The following BNC2 variants were observed in gnomAD, a reference collection of about 807,000 sequenced individuals.
BNC2 encodes the protein basonuclin zinc finger protein 2.
In BNC2, 20 loss-of-function variants were observed where a neutral mutation model predicts 76.3. That is an observed-to-expected ratio of 0.26 (90% CI 0.18 to 0.38). The LOEUF (loss-of-function observed/expected upper bound fraction) is 0.38, where lower values mean the gene tolerates loss of function less well. BNC2 is among the 10% of genes least tolerant of loss of function. BNC2 has a pLI of 1.00. For synonymous variants in BNC2, 582 were observed against 514.8 expected, an observed-to-expected ratio of 1.13 and a Z score of -1.77; for missense variants, 1,382 against 1,399.8, an observed-to-expected ratio of 0.99 and a Z score of 0.20.
intron 1 of BNC2, among the ~76,000 whole-genome samples, chr9:16,754,683 G>A (rs1425725071): frequency 1.3e-5 from 2 of 151,968 alleles, no homozygotes; most frequent in African/African-American, 4.8e-5. Context: ...TCAGCCTCCT[G>A]AGTAGCTGGG....
chr9:16,665,944 C>T (rs1822276738), intron 3 of BNC2, among the ~76,000 whole-genome samples: 3 of 152,110 alleles, frequency 2.0e-5, no homozygotes, highest in Admixed American at 2.0e-4. Context: ...GCAATAAGGA[C>T]TTCCAGGATT....
At chr9:16,426,796 A>G (rs1408570094) in intron 6 of BNC2, among the ~76,000 whole-genome samples, 2 of 152,208 alleles carry the variant, frequency 1.3e-5, no homozygotes, top group African/African-American at 4.8e-5. Flanking sequence ...TTGCACAGGC[A>G]GAGTCTGAAA....
At chr9:16,857,219 TG>T (rs1819280724) in intron 1 of BNC2, among the ~76,000 whole-genome samples, 1 of 152,086 alleles carries the variant, frequency 6.6e-6, no homozygotes, top group Non-Finnish European at 1.5e-5. Context: ...GGCTCACGCA[TG>T]TAATCCCAGC....
intron 5 of BNC2, among the ~76,000 whole-genome samples, chr9:16,547,302 T>G (rs1196267187): frequency 6.6e-6 from 1 of 152,220 alleles, no homozygotes; most frequent in Non-Finnish European, 1.5e-5. Context: ...CTTATTGCCC[T>G]CAACAGCCCA....
intron 3 of BNC2, among the ~76,000 whole-genome samples, chr9:16,590,269 T>G (rs1415140639): frequency 1.3e-5 from 2 of 152,114 alleles, no homozygotes; most frequent in Admixed American, 1.3e-4. Context: ...CTTGGCTCGC[T>G]GCAACCTCCG....
intron 3 of BNC2, among the ~76,000 whole-genome samples, chr9:16,676,033 C>G (rs1822630605): frequency 6.6e-6 from 1 of 152,134 alleles, no homozygotes; most frequent in South Asian, 2.1e-4. Context: ...CCACTGCGCT[C>G]CAGCCTGGGT....
At chr9:16,816,220 T>TC (rs1270964665) in intron 1 of BNC2, among the ~76,000 whole-genome samples, 2 of 152,134 alleles carry the variant, frequency 1.3e-5, no homozygotes, top group East Asian at 1.9e-4. Flanking sequence ...AACACATTTA[T>TC]CCCCCGTGTT....
At chr9:16,854,247 T>A (rs1186556647) in intron 1 of BNC2, among the ~76,000 whole-genome samples, 1 of 152,216 alleles carries the variant, frequency 6.6e-6, no homozygotes, top group African/African-American at 2.4e-5. Context: ...CAATGTGAAA[T>A]TAAAGGTACA....
chr9:16,821,497 C>G, intron 1 of BNC2, among the ~76,000 whole-genome samples: 1 of 146,580 alleles, frequency 6.8e-6, no homozygotes, highest in South Asian at 2.1e-4. Context: ...TGAAAATTAA[C>G]TTTCTTTTGT....
At chr9:16,648,871 A>C (rs1385321928) in intron 3 of BNC2, among the ~76,000 whole-genome samples, 11 of 152,240 alleles carry the variant, frequency 7.2e-5, no homozygotes, top group Non-Finnish European at 2.9e-5. Flanking sequence ...AAAGGTGACC[A>C]TGCACATAAG....
At chr9:16,782,823 T>C (rs1344669851) in intron 1 of BNC2, among the ~76,000 whole-genome samples, 5 of 152,208 alleles carry the variant, frequency 3.3e-5, no homozygotes, top group African/African-American at 1.2e-4. Flanking sequence ...CTATCATTCC[T>C]AGCACATAGT....
intron 5 of BNC2, among the ~76,000 whole-genome samples, chr9:16,525,836 G>T (rs369794963): frequency 7.9e-5 from 12 of 152,046 alleles, no homozygotes; most frequent in African/African-American, 2.9e-4. Context: ...ACTATTTCTA[G>T]AACTATACCC....
chr9:16,702,408 A>C (rs1823540520), intron 3 of BNC2, among the ~76,000 whole-genome samples: 2 of 152,186 alleles, frequency 1.3e-5, no homozygotes, highest in Admixed American at 6.5e-5. Context: ...TTTACTTGTA[A>C]ACTACCTGTA....
intron 5 of BNC2, among the ~76,000 whole-genome samples, chr9:16,504,225 G>A (rs1015119899): frequency 2.7e-5 from 4 of 150,190 alleles, no homozygotes; most frequent in African/African-American, 1.0e-4. Flanking sequence ...AAAAAAAGTA[G>A]TTAGTCATAC....
chr9:16,728,183 C>A, intron 2 of BNC2, 186 bp from the exon 3 acceptor site: 17 of 678,166 alleles, frequency 2.5e-5, no homozygotes, highest in South Asian at 2.5e-4. Context: ...GATTGTGACT[C>A]CCCAAGCTTG....
chr9:16,729,213 C>A (rs938044005), intron 2 of BNC2, among the ~76,000 whole-genome samples: 6 of 152,156 alleles, frequency 3.9e-5, no homozygotes, highest in African/African-American at 1.4e-4. Flanking sequence ...TGTACATAAA[C>A]AGTAAGTTCA....
intron 4 of BNC2, among the ~76,000 whole-genome samples, chr9:16,572,340 G>C (rs897159694): frequency 1.3e-5 from 2 of 152,160 alleles, no homozygotes; most frequent in Non-Finnish European, 2.9e-5. Flanking sequence ...AACTGGAAAA[G>C]AAAAACGCAC....
chr9:16,717,250 G>A (rs1375010006), intron 3 of BNC2, among the ~76,000 whole-genome samples: 7 of 152,102 alleles, frequency 4.6e-5, no homozygotes, highest in Admixed American at 4.6e-4. Flanking sequence ...CATATAAAGG[G>A]CACTGAACCA....
At chr9:16,547,550 A>C (rs1021916994) in intron 5 of BNC2, among the ~76,000 whole-genome samples, 2 of 152,206 alleles carry the variant, frequency 1.3e-5, no homozygotes, top group African/African-American at 4.8e-5. Flanking sequence ...TAATTGACTG[A>C]TTTTAAATTG....
Sources: gnomAD v4.1 joint callset for allele counts (sites outside exome capture counted in the v4.1 genomes callset) on GRCh38, gnomAD v4.1.1 for gene constraint, MANE v1.5 for transcripts, NCBI Gene and HGNC (gene_info 2026-07-23, HGNC 2026-07-21) for gene names.